ULK4: variants seen among roughly 807,000 people sequenced by gnomAD.
ULK4 encodes unc-51 like kinase 4, also known as inactive serine/threonine-protein kinase ULK4.
ULK4 carries 133 observed loss-of-function variants against 160.6 expected under a neutral mutation model. The ratio of observed to expected loss-of-function variants is 0.83; its 90% CI spans 0.72 to 0.96. The LOEUF (loss-of-function observed/expected upper bound fraction) is 0.96. Ranked by LOEUF, ULK4 falls within the 40% of genes least tolerant of loss-of-function variation. The pLI is 0.00. For synonymous variants in ULK4, 534 were observed against 539.8 expected (o/e 0.99, Z 0.15); for missense variants, 1,580 against 1,499.5 (o/e 1.05, Z -0.89).
At chr3:41,859,255 A>G in intron 17 of ULK4, 1 of 547,352 alleles carries the variant, frequency 1.8e-6, no homozygotes, top group Middle Eastern at 2.8e-4. Flanking sequence ...GGGCAAGTCA[A>G]GAAAGGTGGT....
In ULK4 at chr3:41,618,599, T is replaced by G. The variant is rs139748223; in HGVS notation, c.3072-2882A>C. Among the ~76,000 whole-genome samples the G allele has an allele frequency of 4.0e-4, 61 of 152,310 alleles. 1 individual carries two copies. In the East Asian group the frequency reaches 0.011, roughly 28 times the overall value. On this transcript the variant is annotated intron_variant, in intron 30 of 36. Coordinates refer to ENST00000301831, the MANE Select transcript of ULK4 (RefSeq NM_017886.4). ...TGAGGGATTTTGTCACTACCAGGCC[T>G]GCTTTACAGGAGCTCCTGAAGGAAG...
chr3:41,938,554 C>T (rs901388277), intron 2 of ULK4, among the ~76,000 whole-genome samples: 2 of 151,966 alleles, frequency 1.3e-5, no homozygotes, highest in African/African-American at 2.4e-5. Context: ...TGGTGGCACG[C>T]GCCTGAAATT....
At chr3:41,824,646 G>C (rs2041279105) in intron 18 of ULK4, among the ~76,000 whole-genome samples, 3 of 152,194 alleles carry the variant, frequency 2.0e-5, no homozygotes, top group Admixed American at 1.3e-4. Flanking sequence ...CGAGGCTTGA[G>C]TAGGTAAACA....
intron 32 of ULK4, among the ~76,000 whole-genome samples, chr3:41,563,135 T>G (rs528466025): frequency 2.0e-5 from 3 of 152,312 alleles, no homozygotes; most frequent in Admixed American, 6.5e-5. Context: ...TTTGGCCAGA[T>G]AGGAAATTCT....
chr3:41,419,550 G>T (rs1182574549), intron 34 of ULK4, among the ~76,000 whole-genome samples: 2 of 152,106 alleles, frequency 1.3e-5, no homozygotes, highest in African/African-American at 2.4e-5. Context: ...GGTGAGAGGT[G>T]GTAACACCGC....
At chr3:41,439,285 G>A (rs1192729166) in intron 34 of ULK4, among the ~76,000 whole-genome samples, 1 of 152,116 alleles carries the variant, frequency 6.6e-6, no homozygotes, top group East Asian at 1.9e-4. Context: ...TCTGGATTTG[G>A]GGACCCAGGG....
At chr3:41,819,388 G>GC in intron 19 of ULK4, 35 bp downstream of exon 19, 1 of 1,590,670 alleles carries the variant, frequency 6.3e-7, no homozygotes, top group South Asian at 1.1e-5. Context: ...TATTACAATT[G>GC]CCAGCATCTA....
intron 35 of ULK4, among the ~76,000 whole-genome samples, chr3:41,317,225 G>A (rs1168742597): frequency 2.0e-5 from 3 of 151,526 alleles, no homozygotes; most frequent in Non-Finnish European, 4.4e-5. Flanking sequence ...ACAGGCGCCC[G>A]CCACGGCGCC....
chr3:41,721,360 A>ATTT (rs1284559320), intron 22 of ULK4, among the ~76,000 whole-genome samples: 47 of 51,480 alleles, frequency 9.1e-4, no homozygotes, highest in African/African-American at 5.3e-3. Context: ...ATATATATAT[A>ATTT]TATTTTTTTT....
intron 18 of ULK4, among the ~76,000 whole-genome samples, chr3:41,831,531 A>ATTTTTTTTTTTTTTT (rs1553666744): frequency 7.2e-6 from 1 of 138,056 alleles, no homozygotes. Flanking sequence ...ATATATATAT[A>ATTTTTTTTTTTTTTT]TTTTTTTTTC....
In ULK4 at chr3:41,831,531, A is replaced by T. The variant is rs535823247; in HGVS notation, c.1764+4333T>A. 4.6e-3 allele frequency among the ~76,000 whole-genome samples: 633 copies of T among 138,124 alleles called. 3 individuals are homozygous for T. The highest frequency in any genetic ancestry group is 5.8e-3 in the African/African-American group (203 of 35,272). The allele number at this position is 138,124 out of a possible 152,430, so 90.6% of individuals were successfully genotyped here. A position where few individuals can be genotyped will look rare whatever the true frequency, so the allele number is the denominator to read the frequency against. On this transcript the variant is annotated intron_variant, in intron 18 of 36. Transcript: ENST00000301831. ...TTATTGTTATTTTATATATATATAT[A>T]TTTTTTTTTCTTTCTTAAACTTTAG...
At chr3:41,839,339 C>CAA (rs200195203) in intron 17 of ULK4, among the ~76,000 whole-genome samples, 4 of 149,648 alleles carry the variant, frequency 2.7e-5, no homozygotes, top group Non-Finnish European at 5.9e-5. Flanking sequence ...GACTCTGTCT[C>CAA]AAAAAAAAGA....
intron 19 of ULK4, among the ~76,000 whole-genome samples, chr3:41,812,274 G>C (rs1344399967): frequency 3.9e-5 from 6 of 152,126 alleles, no homozygotes; most frequent in Non-Finnish European, 8.8e-5. Flanking sequence ...GAGAGAGCAA[G>C]ACCCTGTCTC....
chr3:41,545,859 T>C (rs1399920359), intron 32 of ULK4, among the ~76,000 whole-genome samples: 2 of 152,170 alleles, frequency 1.3e-5, no homozygotes, highest in African/African-American at 2.4e-5. Flanking sequence ...TAATCTTCTA[T>C]GGTTTTTAAT....
rs548538152 is a variant in ULK4 at position 41,387,364 on chromosome 3, CT to C, written c.3678+10714del. ...CTCTTATTTAGCTGTAATTTTGTATCTTTTTTTTTCTTTTTTATATCATTAT... is the reference window on the plus strand; with the variant it reads ...CTCTTATTTAGCTGTAATTTTGTATCTTTTTTTTCTTTTTTATATCATTAT... On this transcript the variant is annotated intron_variant, in intron 35 of 36. Coordinates refer to ENST00000301831, the MANE Select transcript of ULK4 (RefSeq NM_017886.4). Among the ~76,000 whole-genome samples, 1,036 of 150,924 alleles carry C rather than the reference CT, an allele frequency of 6.9e-3. 4 individuals carry two copies. Among genetic ancestry groups the C allele is most frequent in the African/African-American group, 0.016 (643 of 41,252 alleles).
chr3:41,480,266 A>G (rs1055248634), intron 32 of ULK4, among the ~76,000 whole-genome samples: 13 of 151,454 alleles, frequency 8.6e-5, no homozygotes, highest in Non-Finnish European at 1.9e-4. Flanking sequence ...TGGACATCCC[A>G]TTTCCTCAAA....
chr3:41,710,434 C>A (rs1164536912), intron 25 of ULK4, among the ~76,000 whole-genome samples: 1 of 152,098 alleles, frequency 6.6e-6, no homozygotes, highest in Non-Finnish European at 1.5e-5. Flanking sequence ...TCCCCTGCCC[C>A]CAGCCATATT....
Position 41,566,062 on chromosome 3 carries a change from G to C in ULK4, c.3189C>G (p.Ala1063=). ...GTAGTTCCATATTCGAATCTTTGCA[G>C]GCAACTAGATTGCTGAGTAATGCAA... is the stretch of plus-strand genomic sequence containing the variant. ...SVIALLSNLV[A]CKDSNMELLY... The change falls in exon 32 of 37, where the codon GCC becomes GCG. Residue 1063 remains alanine, a synonymous_variant. Coordinates refer to ENST00000301831, the MANE Select transcript of ULK4 (RefSeq NM_017886.4). 1 of 1,613,574 alleles carries C rather than the reference G, an allele frequency of 6.2e-7. No individual in the cohort carries two copies. Among genetic ancestry groups the C allele is most frequent in the Non-Finnish European group, 8.5e-7 (1 of 1,179,854 alleles).
chr3:41,800,828 G>C (rs1486595576), intron 19 of ULK4, among the ~76,000 whole-genome samples: 2 of 152,146 alleles, frequency 1.3e-5, no homozygotes, highest in African/African-American at 2.4e-5. Context: ...AGCCATTCTG[G>C]ATGGTCCTAG....
Sources: gnomAD v4.1 joint callset for allele counts (sites outside exome capture counted in the v4.1 genomes callset) on GRCh38, gnomAD v4.1.1 for gene constraint, MANE v1.5 for transcripts, NCBI Gene and HGNC (gene_info 2026-07-23, HGNC 2026-07-21) for gene names.